The following ZNF160 variants were observed in gnomAD, a reference collection of about 807,000 sequenced individuals.
The protein encoded by ZNF160 is KRAB zinc finger protein KR18.
A neutral mutation model predicts 13.1 loss-of-function variants in ZNF160; 9 were observed. That is an observed-to-expected ratio of 0.69 (90% CI 0.41 to 1.20). ZNF160 has a LOEUF of 1.20. Ranked by LOEUF, ZNF160 falls within the 50% of genes most tolerant of loss-of-function variation. ZNF160 has a pLI of 0.01. For missense variants in ZNF160, 838 were observed against 988.0 expected, an observed-to-expected ratio of 0.85 and a Z score of 2.04; for synonymous variants, 293 against 333.2, an observed-to-expected ratio of 0.88 and a Z score of 1.31.
At chr19:53,092,765 A>G (rs7256694) in intron 1 of ZNF160, among the ~76,000 whole-genome samples, 33,806 of 152,206 alleles carry the variant, frequency 0.22, 4,001 homozygotes, top group Middle Eastern at 0.27. Flanking sequence ...CACATGTGGA[A>G]GATTTCATCA....
intron 5 of ZNF160, chr19:53,073,389 G>C (rs1285252169): frequency 1.9e-6 from 3 of 1,598,430 alleles, no homozygotes; most frequent in Admixed American, 1.7e-5. Context: ...AGTGGCAAAA[G>C]CAGAATGGAA....
rs1195468673 is a variant in ZNF160 at position 53,067,901 on chromosome 19, G to A, written c.*176C>T. 5.8e-6 allele frequency: 5 copies of A among 861,540 alleles called. No homozygotes were observed. In the South Asian group the frequency reaches 6.5e-5, roughly 11 times the overall value. The allele number at this position is 861,540 out of a possible 1,614,324, so 53.4% of individuals were successfully genotyped here. ...TGATGCCTAGTAACCTGCGAGGCCT[G>A]GATAGACCCTCTGCCACATATGTTT... On this transcript the variant is annotated 3_prime_UTR_variant, in exon 6 of 6. Transcript: ENST00000683776.
intron 3 of ZNF160, among the ~76,000 whole-genome samples, chr19:53,077,684 A>G (rs1396202782): frequency 6.6e-6 from 1 of 150,502 alleles, no homozygotes; most frequent in African/African-American, 2.4e-5. Flanking sequence ...AAAAAAAAAA[A>G]AAGCAAAAGA....
chr19:53,085,868 T>C (rs1446100385), intron 3 of ZNF160: 4 of 583,320 alleles, frequency 6.9e-6, no homozygotes, highest in Non-Finnish European at 1.2e-5. Context: ...TAGTGTTCTT[T>C]TCTATGCCAG....
At chr19:53,074,825 G>A (rs1257634588) in intron 4 of ZNF160, among the ~76,000 whole-genome samples, 1 of 152,084 alleles carries the variant, frequency 6.6e-6, no homozygotes, top group Non-Finnish European at 1.5e-5. Context: ...CTAACACAAT[G>A]TATTATGCAT....
chr19:53,076,805 C>T (rs1035782680), intron 3 of ZNF160: 7 of 152,216 alleles, frequency 4.6e-5, no homozygotes, highest in African/African-American at 1.7e-4. Flanking sequence ...GAAACACCTG[C>T]TCACCTGAGG....
At position 53,069,944 on chromosome 19, in the gene ZNF160, C is replaced by T. The variant is rs2084103925; in HGVS notation, c.590G>A (p.Gly197Asp). Reference sequence around the variant, plus strand: ...ATTACATTCATACATTTTCCCCTCACCTTGAAATAGCTGCAGTTCAGGCAG... The same window carrying T: ...ATTACATTCATACATTTTCCCCTCATCTTGAAATAGCTGCAGTTCAGGCAG... ...SHLPELQLFQGEGKMYECNQV... is the reference protein window; with the variant it reads ...SHLPELQLFQDEGKMYECNQV... The change falls in exon 6 of 6, where the codon GGT becomes GAT. Residue 197 changes from glycine (G) to aspartate (D), a missense_variant. By Grantham distance (94) the Gly-to-Asp change is moderately conservative. Around this residue, in one of 3 missense-constraint regions of ZNF160, gnomAD observed 387 missense variants for 402.3 expected, o/e 0.96. Coordinates refer to ENST00000683776, the MANE Select transcript of ZNF160 (RefSeq NM_001322131.2). The surrounding 1 kb of genome is among the most constrained non-coding windows in gnomAD (Gnocchi z 4.4). The T allele has an allele frequency of 6.2e-7, 1 of 1,614,124 alleles. No homozygotes were observed. The highest frequency in any genetic ancestry group is 1.3e-5 in the African/African-American group (1 of 75,036).
At chr19:53,075,251 G>A in intron 3 of ZNF160, 68 bp from the exon 4 acceptor site, 2 of 1,583,588 alleles carry the variant, frequency 1.3e-6, no homozygotes, top group Non-Finnish European at 8.6e-7. Flanking sequence ...AAAAGGAGAA[G>A]AGGAGAAAAA....
chr19:53,100,246 G>C (rs1406180821), intron 1 of ZNF160, among the ~76,000 whole-genome samples: 1 of 152,180 alleles, frequency 6.6e-6, no homozygotes, highest in Non-Finnish European at 1.5e-5. Context: ...AGGGACTTGA[G>C]GGGGACATCT....
At chr19:53,100,618 A>AC (rs1228048201) in intron 1 of ZNF160, among the ~76,000 whole-genome samples, 3 of 151,974 alleles carry the variant, frequency 2.0e-5, no homozygotes, top group African/African-American at 7.3e-5. Context: ...TCCAAAAAAA[A>AC]ATTAGTTAAT....
intron 2 of ZNF160, among the ~76,000 whole-genome samples, chr19:53,089,136 T>G (rs2084946748): frequency 6.6e-6 from 1 of 152,200 alleles, no homozygotes; most frequent in Non-Finnish European, 1.5e-5. Flanking sequence ...CAATTTACAG[T>G]TGGTCGCCCA....
At chr19:53,078,153 T>C (rs1010817678) in intron 3 of ZNF160, among the ~76,000 whole-genome samples, 2 of 151,854 alleles carry the variant, frequency 1.3e-5, no homozygotes, top group Admixed American at 6.6e-5. Flanking sequence ...GGCAGAAGAA[T>C]CGCTTGGACC....
At chr19:53,073,527 T>C (rs749344843) in intron 5 of ZNF160, 1 of 1,592,032 alleles carries the variant, frequency 6.3e-7, no homozygotes, top group South Asian at 1.1e-5. Context: ...GCACAGGAAA[T>C]GGGGTGGAAC....
At chr19:53,099,631 G>A (rs2085371399) in intron 1 of ZNF160, among the ~76,000 whole-genome samples, 1 of 152,174 alleles carries the variant, frequency 6.6e-6, no homozygotes, top group Non-Finnish European at 1.5e-5. Flanking sequence ...TGTGGTTTTG[G>A]TTTTGTTTTG....
chr19:53,100,693 C>T (rs1440244077), intron 1 of ZNF160, among the ~76,000 whole-genome samples: 1 of 150,354 alleles, frequency 6.7e-6, no homozygotes, highest in Non-Finnish European at 1.5e-5. Context: ...CACATTCATA[C>T]CATCTAAAAT....
Position 53,068,642 on chromosome 19 carries a change from C to T in ZNF160, c.1892G>A (p.Arg631Lys). The change falls in exon 6 of 6, where the codon AGG (arginine) becomes AAG (lysine). Residue 631 changes from arginine (R) to lysine (K), a missense_variant. Arg to Lys is a conservative substitution (Grantham distance 26, BLOSUM62 2). Transcript: ENST00000683776. Reference protein sequence around the residue: ...YKCHECGKVFRHNSYLATHRR... With the variant: ...YKCHECGKVFKHNSYLATHRR... ...ATGAGTTGCAAGGTATGAATTGTGC[C>T]TAAAAACCTTGCCGCATTCATGACA... The T allele has an allele frequency of 6.2e-7, 1 of 1,612,848 alleles. No homozygotes were observed. The highest frequency in any genetic ancestry group is 8.5e-7 in the Non-Finnish European group (1 of 1,179,714).
At chr19:53,079,514 C>T (rs329707) in intron 3 of ZNF160, among the ~76,000 whole-genome samples, 96,493 of 145,060 alleles carry the variant, frequency 0.67, 32,392 homozygotes, top group African/African-American at 0.75. Context: ...CACTGCACTG[C>T]GCTCCAGCCT....
intron 1 of ZNF160, chr19:53,095,631 A>C (rs2085204930): frequency 2.0e-5 from 3 of 152,118 alleles, no homozygotes; most frequent in Admixed American, 1.3e-4. Context: ...TGTTCTCATG[A>C]GAGATGACTC....
rs949563851 is a variant in ZNF160, at chr19:53,073,618, T to C, written c.271+522A>G. On this transcript the variant is annotated intron_variant, in intron 5 of 5. Transcript: ENST00000683776. ...TATGGACTAAGAACTGAGCACCATA[T>C]GGAATTAAATACAGAGGGAGAGACC... is the stretch of plus-strand genomic sequence containing the variant. 9 of 1,368,696 alleles carry C rather than the reference T, an allele frequency of 6.6e-6. No individual in the cohort carries two copies. In the Admixed American group the frequency reaches 2.4e-4, roughly 36 times the overall value. 84.8% of individuals were successfully genotyped at this position (1,368,696 alleles called of 1,614,324 possible). A position where few individuals can be genotyped will look rare whatever the true frequency, so the allele number is the denominator to read the frequency against.
Sources: allele counts gnomAD v4.1 joint callset (sites outside exome capture counted in the v4.1 genomes callset), GRCh38; gene constraint gnomAD v4.1.1; regional missense constraint gnomAD v4.1.1; non-coding constraint Gnocchi (gnomAD v3.1); transcripts MANE v1.5; gene names NCBI Gene and HGNC (gene_info 2026-07-23, HGNC 2026-07-21).